KDM2B: variants seen among roughly 807,000 people sequenced by gnomAD.
The protein encoded by KDM2B is lysine demethylase 2B, also known as lysine-specific demethylase 2B.
A neutral mutation model predicts 150.0 loss-of-function variants in KDM2B; 26 were observed. That is an observed-to-expected ratio of 0.17 (90% CI 0.13 to 0.24). The LOEUF is 0.24. KDM2B is among the 10% of genes least tolerant of loss of function. KDM2B has a pLI of 1.00. For synonymous variants in KDM2B, 734 were observed against 729.5 expected, an observed-to-expected ratio of 1.01 and a Z score of -0.10; for missense variants, 1,265 against 1,816.9, an observed-to-expected ratio of 0.70 and a Z score of 5.52.
Position 121,442,741 on chromosome 12 carries a change from C to A in KDM2B, c.2700G>T (p.Ala900=). 1 of 1,556,664 alleles carries A rather than the reference C, an allele frequency of 6.4e-7. No individual in the cohort carries two copies. Residue 900 remains alanine (A), a synonymous_variant, in exon 19 of 23, where the codon GCG becomes GCT. Coordinates refer to ENST00000377071, the MANE Select transcript of KDM2B (RefSeq NM_032590.5). The surrounding 1 kb of genome is among the most constrained non-coding windows in gnomAD (Gnocchi z 7.7). ...KQEPEDELPE[A]PPKTRESDHS... ...GGTCGCTCTCCCTGGTCTTGGGGGG[C>A]GCCTCGGGCAGTTCGTCCTCGGGTT...
chr12:121,494,272 AGAAG>A (rs1883673218), intron 12 of KDM2B: 1 of 320,898 alleles, frequency 3.1e-6, no homozygotes, highest in African/African-American at 2.2e-5. Flanking sequence ...AAGGAAGGGA[AGAAG>A]CAAGGGAGTG....
chr12:121,418,328 T>C, the KDM2B span: 1 of 162,418 alleles, frequency 6.2e-6, no homozygotes, highest in African/African-American at 2.4e-5. Context: ...TACAGTGAAA[T>C]TGTTCTAATT....
intron 1 of KDM2B, chr12:121,579,531 G>A (rs576224611): frequency 8.5e-7 from 1 of 1,183,218 alleles, no homozygotes; most frequent in Non-Finnish European, 1.1e-6. Context: ...AAGAGGAGGT[G>A]GGGGGAGGAG....
At chr12:121,428,551 G>GCTT (rs1416507731), downstream of KDM2B, among the ~76,000 whole-genome samples, 2 of 152,132 alleles carry the variant, frequency 1.3e-5, no homozygotes, top group Non-Finnish European at 2.9e-5. Context: ...GCAAGAAAAG[G>GCTT]CTTCTTCCAC....
At chr12:121,479,153 TAA>T (rs1227282484) in intron 12 of KDM2B, among the ~76,000 whole-genome samples, 1 of 151,964 alleles carries the variant, frequency 6.6e-6, no homozygotes, top group African/African-American at 2.4e-5. Context: ...GGTCTTTTTT[TAA>T]GAGATGGGGC....
intron 6 of KDM2B, among the ~76,000 whole-genome samples, chr12:121,546,869 T>C (rs1485005514): frequency 6.6e-6 from 1 of 151,918 alleles, no homozygotes. Context: ...GGCTAATTTA[T>C]TTTTTTAGTA....
intron 11 of KDM2B, among the ~76,000 whole-genome samples, chr12:121,498,769 A>G (rs1377674523): frequency 6.6e-6 from 1 of 152,220 alleles, no homozygotes; most frequent in African/African-American, 2.4e-5. Flanking sequence ...TTATTACTGC[A>G]GTTCTAAGTA....
intron 12 of KDM2B, among the ~76,000 whole-genome samples, chr12:121,459,652 G>A (rs1449778167): frequency 2.0e-5 from 3 of 152,172 alleles, no homozygotes; most frequent in African/African-American, 7.2e-5. Context: ...CAAGCATGGA[G>A]AAACCCCATC....
At chr12:121,582,276 C>T (rs1891994543), upstream of KDM2B, among the ~76,000 whole-genome samples, 1 of 149,124 alleles carries the variant, frequency 6.7e-6, no homozygotes, top group Non-Finnish European at 1.5e-5. Context: ...CCAGGGCTCA[C>T]ACTGGAGCCT....
intron 12 of KDM2B, among the ~76,000 whole-genome samples, chr12:121,477,097 G>A (rs1349469998): frequency 2.6e-5 from 4 of 152,050 alleles, no homozygotes; most frequent in African/African-American, 9.7e-5. Flanking sequence ...TGTAGAGACG[G>A]AGTCTCACTC....
At chr12:121,582,195 C>G (rs1891991420), upstream of KDM2B, among the ~76,000 whole-genome samples, 1 of 151,604 alleles carries the variant, frequency 6.6e-6, no homozygotes, top group Non-Finnish European at 1.5e-5. Flanking sequence ...TCCCATTTTG[C>G]AAAGGAGGAA....
At chr12:121,511,723 T>C (rs1015358050) in intron 10 of KDM2B, among the ~76,000 whole-genome samples, 1 of 152,200 alleles carries the variant, frequency 6.6e-6, no homozygotes, top group Non-Finnish European at 1.5e-5. Flanking sequence ...ACACCCTAAA[T>C]GGTGAATTGT....
Position 121,549,004 on chromosome 12 carries a change from A to G in KDM2B, c.577-21T>C. On this transcript the variant is annotated intron_variant, in intron 5 of 22. Coordinates refer to ENST00000377071, the MANE Select transcript of KDM2B (RefSeq NM_032590.5). This position sits in a 1 kb window ranked among gnomAD's most constrained non-coding sequence, Gnocchi z 4.4. ...TCTACCTGAAAGCCAGACCAGTGTG[A>G]GCACTGCATTTCTCCACTGCCGAGC... The G allele has an allele frequency of 1.3e-6, 2 of 1,585,496 alleles. No homozygotes were observed. The highest frequency in any genetic ancestry group is 1.7e-6 in the Non-Finnish European group (2 of 1,153,886).
chr12:121,492,258 G>A (rs79064805), intron 12 of KDM2B, among the ~76,000 whole-genome samples: 8 of 152,048 alleles, frequency 5.3e-5, no homozygotes, highest in East Asian at 3.9e-4. Context: ...GAAATTCATC[G>A]GAATAATCCA....
At position 121,430,265 on chromosome 12, in the gene KDM2B, G is replaced by A. The variant is rs781966689; in HGVS notation, c.*23C>T. The A allele has an allele frequency of 1.2e-5, 19 of 1,586,970 alleles. No individual in the cohort carries two copies. The highest frequency in any genetic ancestry group is 8.4e-5 in the Admixed American group (5 of 59,754). ...TCTCTCCCCTCCCAGAGCCCGCCCCGTATTTACATACTTATCCTTGGACTA... is the reference window on the plus strand; with the variant it reads ...TCTCTCCCCTCCCAGAGCCCGCCCCATATTTACATACTTATCCTTGGACTA... On this transcript the variant is annotated 3_prime_UTR_variant, in exon 23 of 23. Coordinates refer to ENST00000377071, the MANE Select transcript of KDM2B (RefSeq NM_032590.5). The surrounding 1 kb of genome is among the most constrained non-coding windows in gnomAD (Gnocchi z 4.4).
chr12:121,508,083 A>ATGG (rs1156579435), intron 11 of KDM2B, among the ~76,000 whole-genome samples: 1 of 152,036 alleles, frequency 6.6e-6, no homozygotes. Context: ...TCAGATTAGT[A>ATGG]TGGTTGTTTT....
intron 4 of KDM2B, among the ~76,000 whole-genome samples, chr12:121,558,735 G>A (rs868996187): frequency 6.6e-6 from 1 of 151,906 alleles, no homozygotes; most frequent in Non-Finnish European, 1.5e-5. Flanking sequence ...GATTACAGGC[G>A]TGAGACACTG....
At chr12:121,449,563 G>C (rs1876874910) in intron 13 of KDM2B, among the ~76,000 whole-genome samples, 1 of 152,160 alleles carries the variant, frequency 6.6e-6, no homozygotes, top group African/African-American at 2.4e-5. Flanking sequence ...ACCCGAGACA[G>C]GTTTCCTATA....
chr12:121,426,871 G>A (rs1395089704), downstream of KDM2B, among the ~76,000 whole-genome samples: 2 of 151,974 alleles, frequency 1.3e-5, no homozygotes, highest in Non-Finnish European at 2.9e-5. Flanking sequence ...TGATTCGCCC[G>A]CCTCGGCCTC....
Sources: gnomAD v4.1 joint callset for allele counts (sites outside exome capture counted in the v4.1 genomes callset) on GRCh38, gnomAD v4.1.1 for gene constraint, Gnocchi (gnomAD v3.1) non-coding constraint, MANE v1.5 for transcripts, NCBI Gene and HGNC (gene_info 2026-07-23, HGNC 2026-07-21) for gene names.